DOCK4: variants seen among roughly 807,000 people sequenced by gnomAD.
DOCK4 encodes dedicator of cytokinesis protein 4.
Under a neutral mutation model 268.1 loss-of-function variants are expected in DOCK4, and 97 were observed. The ratio of observed to expected loss-of-function variants is 0.36; its 90% CI spans 0.31 to 0.43. The LOEUF (loss-of-function observed/expected upper bound fraction) is 0.43. DOCK4 is among the 20% of genes least tolerant of loss of function. DOCK4 has a pLI of 1.00. For synonymous variants in DOCK4, 954 were observed against 887.2 expected, an observed-to-expected ratio of 1.08 and a Z score of -1.34; for missense variants, 2,145 against 2,455.7, an observed-to-expected ratio of 0.87 and a Z score of 2.67.
At chr7:112,172,015 C>T (rs1194331038) in intron 1 of DOCK4, among the ~76,000 whole-genome samples, 11 of 152,144 alleles carry the variant, frequency 7.2e-5, no homozygotes, top group Admixed American at 7.2e-4. Context: ...TATACAGACC[C>T]AGTCAGAATA....
intron 1 of DOCK4, among the ~76,000 whole-genome samples, chr7:112,119,355 G>A (rs376051694): frequency 6.6e-6 from 1 of 152,120 alleles, no homozygotes; most frequent in Non-Finnish European, 1.5e-5. Flanking sequence ...AGGTGAAGGG[G>A]TACAATAAAG....
At chr7:111,941,661 A>G (rs756824022) in intron 10 of DOCK4, among the ~76,000 whole-genome samples, 6 of 152,154 alleles carry the variant, frequency 3.9e-5, no homozygotes, top group Non-Finnish European at 7.3e-5. Flanking sequence ...AAAACTAGAA[A>G]CTGCAAACAA....
chr7:111,734,844 C>T (rs992203681), intron 51 of DOCK4, among the ~76,000 whole-genome samples: 7 of 152,074 alleles, frequency 4.6e-5, no homozygotes, highest in South Asian at 2.1e-4. Context: ...AAAATCTGTC[C>T]GAGAGGCTTA....
intron 13 of DOCK4, 129 bp downstream of exon 13, chr7:111,915,650 T>C (rs1020215769): frequency 2.3e-6 from 2 of 858,462 alleles, no homozygotes; most frequent in East Asian, 3.0e-5. Flanking sequence ...TACAGTCACA[T>C]ACCTCATTTC....
At chr7:112,086,313 G>A (rs931746573) in intron 1 of DOCK4, among the ~76,000 whole-genome samples, 17 of 152,012 alleles carry the variant, frequency 1.1e-4, no homozygotes, top group Admixed American at 5.3e-4. Context: ...ACCATAAGTC[G>A]TGCACCAGTT....
intron 8 of DOCK4, 144 bp from the exon 9 acceptor site, chr7:111,945,942 G>A: frequency 3.2e-6 from 2 of 624,574 alleles, no homozygotes; most frequent in South Asian, 4.5e-5. Context: ...AATTAGGAGA[G>A]CTCCGAAGAC....
chr7:111,945,664 T>C (rs1255785867), intron 9 of DOCK4, 53 bp downstream of exon 9: 3 of 1,417,708 alleles, frequency 2.1e-6, no homozygotes, highest in African/African-American at 1.4e-5. Flanking sequence ...TCCTAAATAG[T>C]ATGAATCATA....
chr7:112,027,873 TA>T (rs1027608425), intron 1 of DOCK4, among the ~76,000 whole-genome samples: 2 of 152,130 alleles, frequency 1.3e-5, no homozygotes, highest in Non-Finnish European at 2.9e-5. Flanking sequence ...ACAAGGTGAG[TA>T]AATCACAGTC....
chr7:111,911,869 T>G (rs556023997), intron 13 of DOCK4, among the ~76,000 whole-genome samples: 5 of 152,346 alleles, frequency 3.3e-5, no homozygotes, highest in Middle Eastern at 3.4e-3. Flanking sequence ...ATGAATTTTT[T>G]TTGTTGTTGA....
At chr7:111,730,468 T>C (rs1795006063) in intron 52 of DOCK4, among the ~76,000 whole-genome samples, 1 of 152,336 alleles carries the variant, frequency 6.6e-6, no homozygotes, top group East Asian at 1.9e-4. Flanking sequence ...AAAATAACGC[T>C]GGTAGATACA....
rs1250214540 is a variant in DOCK4 at position 111,866,046 on chromosome 7, C to T, written c.2280+1938G>A. The stretch of plus-strand genomic sequence containing the variant: ...AGGAGATCCTAAGGAAAGGACCCAA[C>T]CAAGCCTGCCTGGAATTCTGACCTA... On this transcript the variant is annotated intron_variant, in intron 22 of 52. Transcript: ENST00000428084. Among the ~76,000 whole-genome samples, 6 of 152,218 alleles carry T rather than the reference C, an allele frequency of 3.9e-5. No homozygotes were observed. In the East Asian group the frequency reaches 1.2e-3, roughly 29 times the overall value.
chr7:112,082,429 G>A (rs1808678960), intron 1 of DOCK4, among the ~76,000 whole-genome samples: 1 of 152,132 alleles, frequency 6.6e-6, no homozygotes, highest in South Asian at 2.1e-4. Context: ...AATAGCGGGG[G>A]TGGTTGCTGT....
intron 1 of DOCK4, among the ~76,000 whole-genome samples, chr7:112,142,329 A>G (rs570209150): frequency 6.6e-6 from 1 of 152,240 alleles, no homozygotes; most frequent in Admixed American, 6.5e-5. Context: ...AATTTTCACT[A>G]TTGTATGTTA....
chr7:112,045,872 C>G (rs1425408244), intron 1 of DOCK4, among the ~76,000 whole-genome samples: 1 of 152,134 alleles, frequency 6.6e-6, no homozygotes, highest in African/African-American at 2.4e-5. Flanking sequence ...AGGTCAAATG[C>G]CGTTTGCCAA....
chr7:112,195,788 G>C (rs10254579), intron 1 of DOCK4, among the ~76,000 whole-genome samples: 1 of 152,062 alleles, frequency 6.6e-6, no homozygotes, highest in African/African-American at 2.4e-5. Flanking sequence ...CCAATTGATA[G>C]TCTAATAAAC....
chr7:111,788,811 A>G (rs927704671), intron 31 of DOCK4, 64 bp from the exon 32 acceptor site: 5 of 1,373,094 alleles, frequency 3.6e-6, no homozygotes, highest in Non-Finnish European at 5.1e-6. Flanking sequence ...TAGGCAAGTT[A>G]AAACGTATTT....
At chr7:112,126,408 TC>T (rs1275518669) in intron 1 of DOCK4, among the ~76,000 whole-genome samples, 1 of 152,130 alleles carries the variant, frequency 6.6e-6, no homozygotes, top group Non-Finnish European at 1.5e-5. Flanking sequence ...AAACACCATC[TC>T]CCTGACTTCC....
intron 30 of DOCK4, among the ~76,000 whole-genome samples, chr7:111,791,822 G>A (rs1021004465): frequency 3.3e-5 from 5 of 151,922 alleles, no homozygotes; most frequent in Non-Finnish European, 5.9e-5. Context: ...CACCCGCCTC[G>A]GCCTCCCAAA....
At chr7:111,859,226 T>C (rs1169105005) in intron 23 of DOCK4, among the ~76,000 whole-genome samples, 2 of 152,180 alleles carry the variant, frequency 1.3e-5, no homozygotes, top group Non-Finnish European at 2.9e-5. Context: ...AATACCTTAA[T>C]TTCAGCCCAT....
Sources: allele counts gnomAD v4.1 joint callset (sites outside exome capture counted in the v4.1 genomes callset), GRCh38; gene constraint gnomAD v4.1.1; transcripts MANE v1.5; gene names NCBI Gene and HGNC (gene_info 2026-07-23, HGNC 2026-07-21).